PHACTR3: variants seen among roughly 807,000 people sequenced by gnomAD.
The protein encoded by PHACTR3 is protein phosphatase 1, regulatory subunit 123.
PHACTR3 carries 16 observed loss-of-function variants against 66.8 expected under a neutral mutation model. That is an observed-to-expected ratio of 0.24 (90% CI 0.16 to 0.36). The LOEUF is 0.36. Ranked by LOEUF, PHACTR3 falls within the 10% of genes least tolerant of loss-of-function variation. The pLI is 1.00. For missense variants in PHACTR3, 647 were observed against 719.9 expected (o/e 0.90, Z 1.16); for synonymous variants, 323 against 292.1 (o/e 1.11, Z -1.08).
chr20:59,802,917 A>G (rs550582284), intron 7 of PHACTR3, among the ~76,000 whole-genome samples: 2 of 152,354 alleles, frequency 1.3e-5, no homozygotes, highest in East Asian at 3.9e-4. Flanking sequence ...TGGTCTGAAG[A>G]TAAATGAAAG....
chr20:59,734,046 A>G (rs2038859201), intron 1 of PHACTR3, among the ~76,000 whole-genome samples: 1 of 151,308 alleles, frequency 6.6e-6, no homozygotes, highest in Non-Finnish European at 1.5e-5. Flanking sequence ...AGGTCCCTCA[A>G]TGACTCCACA....
At chr20:59,689,512 G>A (rs770244175) in intron 1 of PHACTR3, among the ~76,000 whole-genome samples, 6 of 152,204 alleles carry the variant, frequency 3.9e-5, no homozygotes, top group Admixed American at 6.5e-5. Flanking sequence ...CAAGCTGACC[G>A]GGTTACAGGT....
intron 7 of PHACTR3, among the ~76,000 whole-genome samples, chr20:59,802,232 C>G (rs1044800468): frequency 3.9e-5 from 6 of 152,056 alleles, no homozygotes; most frequent in African/African-American, 1.4e-4. Flanking sequence ...AATCTCGAGC[C>G]AGTAGCAGTT....
intron 5 of PHACTR3, 115 bp from the exon 6 acceptor site, chr20:59,773,164 C>T (rs1171418834): frequency 1.6e-5 from 20 of 1,219,304 alleles, no homozygotes; most frequent in Non-Finnish European, 2.2e-5. Context: ...TTAGTTGGGG[C>T]CCCTCCTGGA....
intron 7 of PHACTR3, among the ~76,000 whole-genome samples, chr20:59,797,771 T>TCACA: frequency 6.6e-6 from 1 of 152,316 alleles, no homozygotes; most frequent in African/African-American, 2.4e-5. Context: ...TTTGGTAAAT[T>TCACA]ACACTGTTGC....
chr20:59,668,179 G>C (rs542054703), intron 1 of PHACTR3, among the ~76,000 whole-genome samples: 2 of 152,230 alleles, frequency 1.3e-5, no homozygotes, highest in East Asian at 3.9e-4. Flanking sequence ...CGGGGTTAGA[G>C]GTGGGCACGT....
At chr20:59,709,117 C>T (rs1034622055) in intron 1 of PHACTR3, among the ~76,000 whole-genome samples, 18 of 152,294 alleles carry the variant, frequency 1.2e-4, no homozygotes, top group African/African-American at 3.6e-4. Flanking sequence ...AAAATGGAGA[C>T]CCAGGGATTA....
chr20:59,693,048 G>A (rs1377521912), intron 1 of PHACTR3, among the ~76,000 whole-genome samples: 7 of 152,088 alleles, frequency 4.6e-5, no homozygotes, highest in Non-Finnish European at 7.3e-5. Flanking sequence ...AGGATTTGTC[G>A]GGGTCACATT....
At chr20:59,660,032 G>T (rs2035757434) in intron 1 of PHACTR3, among the ~76,000 whole-genome samples, 2 of 152,126 alleles carry the variant, frequency 1.3e-5, no homozygotes, top group African/African-American at 4.8e-5. Flanking sequence ...TTCAATAATT[G>T]AATGTCCGGA....
At chr20:59,756,407 G>C (rs951648998) in intron 4 of PHACTR3, among the ~76,000 whole-genome samples, 4 of 152,324 alleles carry the variant, frequency 2.6e-5, no homozygotes, top group Admixed American at 2.6e-4. Flanking sequence ...CTGGTCCTCC[G>C]TGCCCGGGAC....
chr20:59,809,266 TAC>T (rs2147009199), intron 8 of PHACTR3, among the ~76,000 whole-genome samples: 1 of 152,180 alleles, frequency 6.6e-6, no homozygotes, highest in East Asian at 1.9e-4. Flanking sequence ...TTCCAGGTGT[TAC>T]AGAGTTGTGC....
intron 8 of PHACTR3, among the ~76,000 whole-genome samples, chr20:59,827,581 G>T (rs1309095660): frequency 1.3e-5 from 2 of 152,194 alleles, no homozygotes; most frequent in African/African-American, 2.4e-5. Flanking sequence ...GACCATGGAG[G>T]TGCAGAGAGG....
At chr20:59,586,382 G>A (rs73914197) in intron 1 of PHACTR3, among the ~76,000 whole-genome samples, 112 of 152,290 alleles carry the variant, frequency 7.4e-4, no homozygotes, top group African/African-American at 2.4e-3. Context: ...TCCCCTTAAC[G>A]ACCCTAATTC....
At position 59,738,647 on chromosome 20, in the gene PHACTR3, G is replaced by A. The variant is rs1052968307; in HGVS notation, c.119-4460G>A. On this transcript the variant is annotated intron_variant, in intron 1 of 12. Transcript: ENST00000371015. This position sits in a 1 kb window ranked among gnomAD's most constrained non-coding sequence, Gnocchi z 4.4. ...CTCTGGAGCCCGTGTGGTGTCTGTC[G>A]TGGGGACCCACCTAACTCCTTGATG... Among the ~76,000 whole-genome samples the A allele has an allele frequency of 6.6e-5, 10 of 152,110 alleles. No individual in the cohort carries two copies. The highest frequency in any genetic ancestry group is 1.9e-4 in the East Asian group (1 of 5,176).
intron 1 of PHACTR3, among the ~76,000 whole-genome samples, chr20:59,591,157 A>T (rs559499087): frequency 6.6e-6 from 1 of 152,294 alleles, no homozygotes; most frequent in South Asian, 2.1e-4. Context: ...GGGATGAGGC[A>T]GCCTCCCCAG....
At chr20:59,701,991 T>A (rs910914136) in intron 1 of PHACTR3, among the ~76,000 whole-genome samples, 2 of 152,248 alleles carry the variant, frequency 1.3e-5, no homozygotes, top group Non-Finnish European at 2.9e-5. Flanking sequence ...ATTCTTTGAC[T>A]AAGCAAGATG....
At chr20:59,742,515 G>A (rs1346410221) in intron 1 of PHACTR3, among the ~76,000 whole-genome samples, 5 of 151,978 alleles carry the variant, frequency 3.3e-5, no homozygotes, top group South Asian at 2.1e-4. Flanking sequence ...AATTCTCACC[G>A]GCCTGGCTCT....
intron 1 of PHACTR3, among the ~76,000 whole-genome samples, chr20:59,621,064 G>A (rs1042066495): frequency 6.6e-6 from 1 of 152,242 alleles, no homozygotes; most frequent in African/African-American, 2.4e-5. Context: ...GTCTGTGCCA[G>A]TGGAGTGCTC....
intron 2 of PHACTR3, among the ~76,000 whole-genome samples, chr20:59,745,702 G>A (rs769984077): frequency 1.3e-5 from 2 of 152,202 alleles, no homozygotes; most frequent in South Asian, 2.1e-4. Context: ...TGGGGGAACC[G>A]GCTGAAGATG....
Sources: gnomAD v4.1 joint callset for allele counts (sites outside exome capture counted in the v4.1 genomes callset) on GRCh38, gnomAD v4.1.1 for gene constraint, Gnocchi (gnomAD v3.1) non-coding constraint, MANE v1.5 for transcripts, NCBI Gene and HGNC (gene_info 2026-07-23, HGNC 2026-07-21) for gene names.